Variants in ESF1 observed in about 807,000 individuals in gnomAD.
ESF1 encodes the protein ESF1 nucleolar pre-rRNA processing protein, also known as ESF1 homolog.
In ESF1, 58 loss-of-function variants were observed where a neutral mutation model predicts 92.0. The observed-to-expected ratio is 0.63, with a 90% CI of 0.51 to 0.78. ESF1 has a LOEUF of 0.78. Among genes scored for constraint, ESF1 ranks in the 30% least tolerant of loss-of-function variants. The pLI, the probability that ESF1 is intolerant of heterozygous loss-of-function variation, is 0.00. For missense variants in ESF1, 922 were observed against 989.1 expected, an observed-to-expected ratio of 0.93 and a Z score of 0.91; for synonymous variants, 321 against 313.7, an observed-to-expected ratio of 1.02 and a Z score of -0.24.
At chr20:13,751,161 T>C (rs1239286661) in intron 9 of ESF1, among the ~76,000 whole-genome samples, 1 of 152,142 alleles carries the variant, frequency 6.6e-6, no homozygotes, top group Non-Finnish European at 1.5e-5. Context: ...AAGCAAGTAG[T>C]ATGAATGAGT....
At chr20:13,747,644 AAAT>A (rs1375969070) in intron 9 of ESF1, among the ~76,000 whole-genome samples, 1 of 152,158 alleles carries the variant, frequency 6.6e-6, no homozygotes, top group Non-Finnish European at 1.5e-5. Flanking sequence ...TAGAGAATCA[AAAT>A]AATATTAACA....
rs58809594 is a variant in ESF1, at chr20:13,748,592, A to ATTTT, written c.1828+11096_1828+11099dup. 2.8e-3 allele frequency among the ~76,000 whole-genome samples: 269 copies of ATTTT among 95,662 alleles called. 3 individuals carry two copies. The highest frequency in any genetic ancestry group is 0.016 in the African/African-American group (241 of 15,486). The allele number at this position is 95,662 out of a possible 152,430, so 62.8% of individuals were successfully genotyped here. A position where few individuals can be genotyped will look rare whatever the true frequency, so the allele number is the denominator to read the frequency against. On this transcript the variant is annotated intron_variant, in intron 9 of 13. Coordinates refer to ENST00000617257, the MANE Select transcript of ESF1 (RefSeq NM_001276380.2). ...TGTGTGTGTATATATATATATATAT[A>ATTTT]TTTTTTTTTTTTTGAGATGGAGTGT...
chr20:13,772,702 C>A, intron 4 of ESF1, 87 bp from the exon 5 acceptor site: 1 of 886,492 alleles, frequency 1.1e-6, no homozygotes, highest in South Asian at 1.4e-5. Flanking sequence ...CTCTAAAAGT[C>A]ACAACTTGAC....
At chr20:13,719,351 C>T (rs1425315850) in intron 11 of ESF1, among the ~76,000 whole-genome samples, 2 of 152,142 alleles carry the variant, frequency 1.3e-5, no homozygotes, top group African/African-American at 2.4e-5. Flanking sequence ...GTAGTATACA[C>T]ATTTAATGAA....
intron 9 of ESF1, among the ~76,000 whole-genome samples, chr20:13,743,703 T>G (rs1028385604): frequency 1.4e-4 from 21 of 152,034 alleles, no homozygotes; most frequent in Admixed American, 1.4e-3. Flanking sequence ...AGTAAAACAA[T>G]GGTTGCCAAG....
intron 13 of ESF1, among the ~76,000 whole-genome samples, chr20:13,715,820 A>T (rs954354422): frequency 2.1e-4 from 32 of 152,224 alleles, no homozygotes; most frequent in African/African-American, 7.5e-4. Flanking sequence ...ACCAGCAGAA[A>T]GGGAAACACA....
intron 10 of ESF1, among the ~76,000 whole-genome samples, chr20:13,732,340 T>G (rs1256440085): frequency 2.6e-5 from 4 of 152,184 alleles, no homozygotes; most frequent in African/African-American, 9.7e-5. Flanking sequence ...AAAAACAAAG[T>G]CAGAAAGAGT....
chr20:13,719,688 G>T (rs1004284908), intron 11 of ESF1, among the ~76,000 whole-genome samples: 1 of 151,962 alleles, frequency 6.6e-6, no homozygotes, highest in African/African-American at 2.4e-5. Context: ...ACCCCTATGA[G>T]AAAATACAAG....
intron 9 of ESF1, among the ~76,000 whole-genome samples, chr20:13,758,413 C>T (rs1978998051): frequency 6.6e-6 from 1 of 152,198 alleles, no homozygotes; most frequent in Non-Finnish European, 1.5e-5. Flanking sequence ...TGGGTTGCAA[C>T]ACAGCACTTC....
chr20:13,778,948 A>AG (rs977491206), intron 2 of ESF1, among the ~76,000 whole-genome samples: 2 of 152,138 alleles, frequency 1.3e-5, no homozygotes, highest in African/African-American at 4.8e-5. Flanking sequence ...CGGAAGGCTG[A>AG]GGTGGGAGAA....
intron 9 of ESF1, among the ~76,000 whole-genome samples, chr20:13,747,536 G>A (rs958377350): frequency 1.3e-5 from 2 of 151,210 alleles, no homozygotes; most frequent in Admixed American, 1.3e-4. Flanking sequence ...CTGCACTGCA[G>A]CCTGCCGAGA....
At chr20:13,773,588 C>T (rs1979787148) in intron 4 of ESF1, among the ~76,000 whole-genome samples, 1 of 152,108 alleles carries the variant, frequency 6.6e-6, no homozygotes, top group African/African-American at 2.4e-5. Context: ...AATATTCAAG[C>T]AGCCTATTTT....
At chr20:13,753,047 A>C (rs1978710837) in intron 9 of ESF1, among the ~76,000 whole-genome samples, 1 of 152,100 alleles carries the variant, frequency 6.6e-6, no homozygotes, top group Non-Finnish European at 1.5e-5. Context: ...AAGATATCCC[A>C]ATGACATTCA....
rs187027814 is a variant in ESF1, at chr20:13,774,550, A to G, written c.1149+607T>C. 1.8e-4 allele frequency among the ~76,000 whole-genome samples: 28 copies of G among 152,270 alleles called. No individual in the cohort carries two copies. The East Asian group carries it at 5.2e-3, about 28-fold the overall frequency. On this transcript the variant is annotated intron_variant, in intron 4 of 13. Coordinates refer to ENST00000617257, the MANE Select transcript of ESF1 (RefSeq NM_001276380.2). ...CTTAATCCTTACAATCACCAATACT[A>G]TTGTTATATCCATTTGGATATATTG...
At chr20:13,783,358 G>A (rs1196183227) in intron 1 of ESF1, among the ~76,000 whole-genome samples, 175 bp from the exon 2 acceptor site, 2 of 152,118 alleles carry the variant, frequency 1.3e-5, no homozygotes, top group African/African-American at 2.4e-5. Context: ...ATGCAAAAAA[G>A]CAGAAACATA....
chr20:13,731,349 G>A (rs1442925125), intron 10 of ESF1, among the ~76,000 whole-genome samples: 2 of 151,838 alleles, frequency 1.3e-5, no homozygotes, highest in African/African-American at 4.8e-5. Context: ...GGCTAACATG[G>A]TGAAACCCCG....
intron 9 of ESF1, among the ~76,000 whole-genome samples, chr20:13,757,663 G>A (rs1032204360): frequency 6.6e-6 from 1 of 152,126 alleles, no homozygotes; most frequent in Non-Finnish European, 1.5e-5. Context: ...CTTGGCCTCT[G>A]AAAGTGTTGG....
intron 7 of ESF1, among the ~76,000 whole-genome samples, chr20:13,768,148 C>A (rs1199841843): frequency 6.6e-6 from 1 of 152,164 alleles, no homozygotes; most frequent in Non-Finnish European, 1.5e-5. Context: ...TTACTACACC[C>A]AGTAACTAAT....
intron 11 of ESF1, among the ~76,000 whole-genome samples, chr20:13,724,660 A>C (rs1252592982): frequency 3.3e-5 from 5 of 152,258 alleles, no homozygotes; most frequent in Admixed American, 2.0e-4. Flanking sequence ...TACATGATAT[A>C]TATCTAACAC....
Sources: gnomAD v4.1 joint callset for allele counts (sites outside exome capture counted in the v4.1 genomes callset) on GRCh38, gnomAD v4.1.1 for gene constraint, MANE v1.5 for transcripts, NCBI Gene and HGNC (gene_info 2026-07-23, HGNC 2026-07-21) for gene names.